FAM107B: variants seen among roughly 807,000 people sequenced by gnomAD.
The protein encoded by FAM107B is family with sequence similarity 107 member B.
In FAM107B, 21 loss-of-function variants were observed where a neutral mutation model predicts 31.5. That is an observed-to-expected ratio of 0.67 (90% CI 0.47 to 0.96). The LOEUF (loss-of-function observed/expected upper bound fraction) is 0.96. Among genes scored for constraint, FAM107B ranks in the 40% least tolerant of loss-of-function variants. The pLI, the probability that FAM107B is intolerant of heterozygous loss-of-function variation, is 0.00. For synonymous variants in FAM107B, 157 were observed against 141.5 expected (o/e 1.11, Z -0.78); for missense variants, 452 against 377.1 (o/e 1.20, Z -1.64).
chr10:14,767,388 G>A lies in FAM107B; in HGVS notation c.411+6865C>T, dbSNP rs187246521. Among the ~76,000 whole-genome samples the A allele has an allele frequency of 3.6e-3, 547 of 151,612 alleles. 3 individuals carry two copies. The highest frequency in any genetic ancestry group is 0.012 in the African/African-American group (509 of 41,368). ...ATTACAGGCATGAGCCACCGCACCC[G>A]GCCCCTGATGAGCATTAATAGAAAG... On this transcript the variant is annotated intron_variant, in intron 1 of 4. Transcript: ENST00000181796.
intron 1 of FAM107B, among the ~76,000 whole-genome samples, chr10:14,757,796 T>C (rs371699405): frequency 1.3e-5 from 2 of 152,216 alleles, no homozygotes; most frequent in Non-Finnish European, 2.9e-5. Context: ...AGATCTCCCG[T>C]TGAAATCATT....
intron 1 of FAM107B, among the ~76,000 whole-genome samples, chr10:14,740,607 T>C (rs1453822497): frequency 2.0e-5 from 3 of 152,180 alleles, no homozygotes; most frequent in Non-Finnish European, 4.4e-5. Context: ...GGGCTTTAGT[T>C]AATAATAATG....
At chr10:14,707,162 C>A (rs1855540681) in intron 1 of FAM107B, among the ~76,000 whole-genome samples, 1 of 151,676 alleles carries the variant, frequency 6.6e-6, no homozygotes, top group Non-Finnish European at 1.5e-5. Flanking sequence ...AAAAACAAAA[C>A]AACAAAACAA....
chr10:14,685,354 G>A (rs1455759280), intron 1 of FAM107B, among the ~76,000 whole-genome samples: 1 of 151,788 alleles, frequency 6.6e-6, no homozygotes, highest in African/African-American at 2.4e-5. Flanking sequence ...TCACTATGTT[G>A]CCCAGACTGA....
At chr10:14,575,428 C>T (rs1851435469) in intron 2 of FAM107B, among the ~76,000 whole-genome samples, 1 of 152,088 alleles carries the variant, frequency 6.6e-6, no homozygotes, top group Non-Finnish European at 1.5e-5. Context: ...GTCTCGAATT[C>T]CTGACCTCAA....
chr10:14,617,706 C>G (rs528206563), intron 2 of FAM107B, among the ~76,000 whole-genome samples: 1 of 146,030 alleles, frequency 6.8e-6, no homozygotes, highest in East Asian at 2.0e-4. Context: ...AGGTGCTGTC[C>G]GGTCAGGAGT....
At chr10:14,524,044 T>C (rs1845957394) in intron 3 of FAM107B, among the ~76,000 whole-genome samples, 2 of 150,870 alleles carry the variant, frequency 1.3e-5, no homozygotes, top group African/African-American at 4.9e-5. Context: ...ATTTTTTTTT[T>C]TTTTTTTCGT....
At chr10:14,606,073 T>C (rs925882889) in intron 2 of FAM107B, among the ~76,000 whole-genome samples, 3 of 152,132 alleles carry the variant, frequency 2.0e-5, no homozygotes, top group Non-Finnish European at 4.4e-5. Context: ...CTTGAAACAC[T>C]TTAGTGGATG....
chr10:14,762,901 G>A (rs1833085585), intron 1 of FAM107B, among the ~76,000 whole-genome samples: 1 of 152,062 alleles, frequency 6.6e-6, no homozygotes, highest in Non-Finnish European at 1.5e-5. Flanking sequence ...TAGAAGACTT[G>A]ATGGCTTTGC....
At chr10:14,741,807 G>A (rs1401037674) in intron 1 of FAM107B, among the ~76,000 whole-genome samples, 2 of 133,436 alleles carry the variant, frequency 1.5e-5, no homozygotes, top group Non-Finnish European at 3.1e-5. Context: ...TGCAAGCTCC[G>A]CCTCCTGGGT....
intron 4 of FAM107B, 68 bp downstream of exon 4, chr10:14,521,801 C>G: frequency 2.5e-6 from 4 of 1,572,594 alleles, no homozygotes; most frequent in Non-Finnish European, 2.6e-6. Context: ...AAATCCTGCC[C>G]GCTCCAACAC....
At chr10:14,618,284 C>T (rs902862577) in intron 2 of FAM107B, among the ~76,000 whole-genome samples, 1 of 152,140 alleles carries the variant, frequency 6.6e-6, no homozygotes, top group African/African-American at 2.4e-5. Context: ...TATTGTTTAT[C>T]TCAGTTTATC....
At chr10:14,718,345 G>A (rs1436222673) in intron 1 of FAM107B, among the ~76,000 whole-genome samples, 1 of 148,776 alleles carries the variant, frequency 6.7e-6, no homozygotes, top group Non-Finnish European at 1.5e-5. Context: ...AAGAAAGGAA[G>A]GAAGGAAGGA....
chr10:14,719,144 T>C (rs187272352), intron 1 of FAM107B, among the ~76,000 whole-genome samples: 2 of 152,300 alleles, frequency 1.3e-5, no homozygotes, highest in South Asian at 2.1e-4. Flanking sequence ...TGTCAGACCA[T>C]AGGCTTAGAG....
chr10:14,690,444 CTTTATTTT>C (rs759018335), intron 1 of FAM107B, among the ~76,000 whole-genome samples: 3 of 152,006 alleles, frequency 2.0e-5, no homozygotes, highest in Admixed American at 6.6e-5. Context: ...CAACTAGCCC[CTTTATTTT>C]TTTATTTTTT....
At chr10:14,750,541 G>T (rs1051918369) in intron 1 of FAM107B, among the ~76,000 whole-genome samples, 1 of 152,188 alleles carries the variant, frequency 6.6e-6, no homozygotes, top group Non-Finnish European at 1.5e-5. Context: ...GAACCCGGGA[G>T]GGGGAGGTTG....
chr10:14,591,868 C>A (rs1388988112), intron 2 of FAM107B, among the ~76,000 whole-genome samples: 1 of 152,002 alleles, frequency 6.6e-6, no homozygotes, highest in African/African-American at 2.4e-5. Context: ...TAAAAGAAAC[C>A]CAGCACCCAA....
chr10:14,673,055 T>C (rs954695094), intron 1 of FAM107B, among the ~76,000 whole-genome samples: 3 of 152,230 alleles, frequency 2.0e-5, no homozygotes, highest in Non-Finnish European at 4.4e-5. Context: ...GATATTTCAA[T>C]ACATGTATAC....
chr10:14,698,135 A>G (rs910553837), intron 1 of FAM107B, among the ~76,000 whole-genome samples: 4 of 152,164 alleles, frequency 2.6e-5, no homozygotes, highest in Admixed American at 6.6e-5. Flanking sequence ...AAAAAAAAAA[A>G]AGAAGAAATA....
Sources: gnomAD v4.1 joint callset for allele counts (sites outside exome capture counted in the v4.1 genomes callset) on GRCh38, gnomAD v4.1.1 for gene constraint, MANE v1.5 for transcripts, NCBI Gene and HGNC (gene_info 2026-07-23, HGNC 2026-07-21) for gene names.